GRM1: variants seen among roughly 807,000 people sequenced by gnomAD.
GRM1 encodes metabotropic glutamate receptor 1.
A neutral mutation model predicts 90.9 loss-of-function variants in GRM1; 33 were observed. That is an observed-to-expected ratio of 0.36 (90% CI 0.28 to 0.49). The LOEUF (loss-of-function observed/expected upper bound fraction) is 0.49. Ranked by LOEUF, GRM1 falls within the 20% of genes least tolerant of loss-of-function variation. The pLI, the probability that GRM1 is intolerant of heterozygous loss-of-function variation, is 0.99. For missense variants in GRM1, 1,190 were observed against 1,534.3 expected (o/e 0.78, Z 3.75); for synonymous variants, 700 against 613.2 (o/e 1.14, Z -2.09).
At chr6:146,379,930 GTCTCTCTCTC>G (rs56732675) in intron 5 of GRM1, among the ~76,000 whole-genome samples, 90 of 147,854 alleles carry the variant, frequency 6.1e-4, no homozygotes, top group African/African-American at 2.1e-3. Context: ...TACAGAGTCT[GTCTCTCTCTC>G]TCTCTCTCTC....
chr6:146,132,380 TC>T (rs1317341915), intron 1 of GRM1, among the ~76,000 whole-genome samples: 2 of 152,092 alleles, frequency 1.3e-5, no homozygotes, highest in Non-Finnish European at 2.9e-5. Flanking sequence ...ATTCAACATA[TC>T]ATTAAGAAGT....
intron 1 of GRM1, among the ~76,000 whole-genome samples, chr6:146,079,571 C>A (rs1582971385): frequency 6.6e-6 from 1 of 152,172 alleles, no homozygotes; most frequent in African/African-American, 2.4e-5. Flanking sequence ...TGATACTTTT[C>A]TTTAACTCTA....
At chr6:146,348,075 GT>G (rs1180354718) in intron 3 of GRM1, among the ~76,000 whole-genome samples, 1 of 152,174 alleles carries the variant, frequency 6.6e-6, no homozygotes, top group Non-Finnish European at 1.5e-5. Context: ...AAAAGTAATG[GT>G]TTAATGATAT....
At chr6:146,203,067 G>A (rs910352982) in intron 2 of GRM1, among the ~76,000 whole-genome samples, 10 of 151,920 alleles carry the variant, frequency 6.6e-5, no homozygotes, top group Admixed American at 5.2e-4. Context: ...GGTGCCGGGC[G>A]CCTGTAGTCC....
chr6:146,078,648 T>G (rs1776266452), intron 1 of GRM1, among the ~76,000 whole-genome samples: 1 of 152,218 alleles, frequency 6.6e-6, no homozygotes, highest in Non-Finnish European at 1.5e-5. Flanking sequence ...TGGGTAAAAT[T>G]GTTCTATTAT....
intron 1 of GRM1, among the ~76,000 whole-genome samples, chr6:146,116,914 A>G (rs985171332): frequency 2.0e-5 from 3 of 151,902 alleles, no homozygotes; most frequent in African/African-American, 7.2e-5. Flanking sequence ...GACTATCTTT[A>G]CCATAATATT....
chr6:146,351,028 C>A (rs1324826828), intron 3 of GRM1, among the ~76,000 whole-genome samples: 2 of 152,112 alleles, frequency 1.3e-5, no homozygotes, highest in African/African-American at 4.8e-5. Context: ...TAAAAATGTC[C>A]ATTTTCATCC....
chr6:146,219,938 C>T (rs1463109876), intron 2 of GRM1, among the ~76,000 whole-genome samples: 5 of 151,378 alleles, frequency 3.3e-5, no homozygotes, highest in Admixed American at 6.6e-5. Context: ...TGTGTATGCA[C>T]TTGTGCACAC....
chr6:146,047,383 A>G (rs140961684), intron 1 of GRM1, among the ~76,000 whole-genome samples: 4 of 152,044 alleles, frequency 2.6e-5, no homozygotes, highest in African/African-American at 9.6e-5. Context: ...CATTAATCAT[A>G]CAGTCCATTT....
At chr6:146,292,378 G>C (rs557001690) in intron 2 of GRM1, among the ~76,000 whole-genome samples, 1 of 151,882 alleles carries the variant, frequency 6.6e-6, no homozygotes, top group Non-Finnish European at 1.5e-5. Flanking sequence ...AGAAATATTT[G>C]CAAATTATAT....
chr6:146,412,468 TAG>T (rs1433171194), intron 7 of GRM1, among the ~76,000 whole-genome samples: 1 of 152,162 alleles, frequency 6.6e-6, no homozygotes, highest in African/African-American at 2.4e-5. Context: ...TCATTTACAG[TAG>T]AGATGACAAT....
chr6:146,223,033 C>A (rs1238086577), intron 2 of GRM1, among the ~76,000 whole-genome samples: 4 of 151,724 alleles, frequency 2.6e-5, no homozygotes, highest in African/African-American at 7.3e-5. Context: ...GTAGAAAGCC[C>A]AGGAACTCTT....
At chr6:146,407,034 C>T (rs927637271) in intron 7 of GRM1, among the ~76,000 whole-genome samples, 3 of 152,176 alleles carry the variant, frequency 2.0e-5, no homozygotes, top group Non-Finnish European at 4.4e-5. Flanking sequence ...AAGGATATTT[C>T]GTTTGAGGTA....
chr6:146,424,230 G>T (rs1297125493), intron 7 of GRM1, among the ~76,000 whole-genome samples: 1 of 152,240 alleles, frequency 6.6e-6, no homozygotes, highest in Non-Finnish European at 1.5e-5. Context: ...CCTACCAAAA[G>T]TGCAGTGGCA....
chr6:146,029,709 G>A lies in GRM1; in HGVS notation c.192G>A (p.Glu64=), dbSNP rs763709415. ...HHQPPAEKVP[E]RKCGEIREQY... is the part of the protein sequence containing the mutation. ...AGCCTCCGGCCGAGAAAGTGCCCGAGAGGAAGTGTGGGGAGATCAGGGAGC... is the reference window on the plus strand; with the variant it reads ...AGCCTCCGGCCGAGAAAGTGCCCGAAAGGAAGTGTGGGGAGATCAGGGAGC... The change falls in exon 1 of 8, where the codon GAG becomes GAA. Residue 64 remains glutamate (E), a synonymous_variant. Transcript: ENST00000282753. 129 of 1,614,020 alleles carry A rather than the reference G, an allele frequency of 8.0e-5. No individual in the cohort carries two copies. The highest frequency in any genetic ancestry group is 1.0e-4 in the Non-Finnish European group (122 of 1,180,028).
intron 1 of GRM1, among the ~76,000 whole-genome samples, chr6:146,055,718 T>C (rs1177853461): frequency 6.6e-6 from 1 of 152,100 alleles, no homozygotes; most frequent in Non-Finnish European, 1.5e-5. Flanking sequence ...AGTTGGGTAA[T>C]ATGTGGTTTT....
chr6:146,383,508 A>G (rs1283268253), intron 5 of GRM1, among the ~76,000 whole-genome samples: 1 of 152,128 alleles, frequency 6.6e-6, no homozygotes, highest in Non-Finnish European at 1.5e-5. Flanking sequence ...GATATCTTTT[A>G]TAATTTAAAT....
At chr6:146,101,058 C>T (rs2128870463) in intron 1 of GRM1, among the ~76,000 whole-genome samples, 1 of 152,236 alleles carries the variant, frequency 6.6e-6, no homozygotes, top group East Asian at 1.9e-4. Context: ...ACGCCACTGC[C>T]TTCTAGCCTG....
intron 1 of GRM1, among the ~76,000 whole-genome samples, chr6:146,135,886 A>G (rs199995552): frequency 6.6e-6 from 1 of 151,826 alleles, no homozygotes; most frequent in Non-Finnish European, 1.5e-5. Flanking sequence ...CATTCTTTCT[A>G]TTTTTTTATA....
Sources: gnomAD v4.1 joint callset for allele counts (sites outside exome capture counted in the v4.1 genomes callset) on GRCh38, gnomAD v4.1.1 for gene constraint, MANE v1.5 for transcripts, NCBI Gene and HGNC (gene_info 2026-07-23, HGNC 2026-07-21) for gene names.